FCRLB: variants seen among roughly 807,000 people sequenced by gnomAD.
FCRLB encodes Fc receptor like B.
Under a neutral mutation model 33.6 loss-of-function variants are expected in FCRLB, and 34 were observed. That is an observed-to-expected ratio of 1.01 (90% CI 0.77 to 1.35). The LOEUF is 1.35. Among genes scored for constraint, FCRLB ranks in the 40% most tolerant of loss-of-function variants. The pLI is 0.00. For synonymous variants in FCRLB, 280 were observed against 255.9 expected, an observed-to-expected ratio of 1.09 and a Z score of -0.90; for missense variants, 560 against 580.2, an observed-to-expected ratio of 0.97 and a Z score of 0.36.
exon 8 of FCRLB, chr1:161,727,311 T>C (rs1319943153): frequency 1.2e-6 from 2 of 1,613,670 alleles, no homozygotes; most frequent in Admixed American, 3.3e-5. Flanking sequence ...TGGCTCCTGG[T>C]AATAGGCCGC....
rs1683384298 is a variant in FCRLB, at chr1:161,721,835, G to A, written c.-36G>A. 6.6e-6 allele frequency: 1 copy of A among 152,230 alleles called. No individual in the cohort carries two copies. Among genetic ancestry groups the A allele is most frequent in the African/African-American group, 2.4e-5 (1 of 41,424 alleles). 9.4% of individuals were successfully genotyped at this position (152,230 alleles called of 1,614,324 possible). ...GAGGCTTCTGAGGGGCCGATGCAGT[G>A]ACTTCTCTGCTGCAGGTCAGGAGTT... On this transcript the variant is annotated 5_prime_UTR_variant, in exon 2 of 8. An upstream open reading frame in the 5' UTR loses its in-frame stop. Transcript: ENST00000367948.
Position 161,726,935 on chromosome 1 carries a change from G to A in FCRLB, c.807G>A (p.Ala269=). 1 of 1,559,312 alleles carries A rather than the reference G, an allele frequency of 6.4e-7. No homozygotes were observed. The highest frequency in any genetic ancestry group is 2.3e-5 in the East Asian group (1 of 43,452). Reference sequence around the variant, plus strand: ...AGCTCGAATCGTACTGGTGCGAGGCGGCTACCGCCACCCGCAGTGTCCGGA... The same window carrying A: ...AGCTCGAATCGTACTGGTGCGAGGCAGCTACCGCCACCCGCAGTGTCCGGA... The change falls in exon 7 of 8, where the codon GCG becomes GCA. Residue 269 remains alanine, a synonymous_variant. Transcript: ENST00000367948. The surrounding 1 kb of genome is among the most constrained non-coding windows in gnomAD (Gnocchi z 5.2).
At chr1:161,722,703 G>T in exon 3 of FCRLB, 1 of 1,614,108 alleles carries the variant, frequency 6.2e-7, no homozygotes, top group South Asian at 1.1e-5. Flanking sequence ...TCTGCTCCTG[G>T]GTGAGTCCAC....
In FCRLB at chr1:161,726,722, G is replaced by T. The variant is rs1403911746; in HGVS notation, c.594G>T (p.Val198=). The change falls in exon 7 of 8, where the codon GTG becomes GTT. Residue 198 remains valine (V), a synonymous_variant. Coordinates refer to ENST00000367948, the Ensembl canonical transcript of FCRLB. This position sits in a 1 kb window ranked among gnomAD's most constrained non-coding sequence, Gnocchi z 5.2. ...CCGTAGAGCTGTTCCGGGCGCCGGT[G>T]CTGAGGGTGATGGGTCCGCGGGAGG... 6.3e-7 allele frequency: 1 copy of T among 1,596,122 alleles called. No individual in the cohort carries two copies. The highest frequency in any genetic ancestry group is 1.7e-5 in the Admixed American group (1 of 59,054).
chr1:161,726,870 T>G lies in FCRLB; in HGVS notation c.742T>G (p.Trp248Gly). The G allele has an allele frequency of 6.3e-7, 1 of 1,581,520 alleles. No homozygotes were observed. Among genetic ancestry groups the G allele is most frequent in the African/African-American group, 1.4e-5 (1 of 74,038 alleles). ...CAGCCGCGCGGTGCGCCGCTTCGAC[T>G]GGGGCGCCGAGTACACAGTCCCGGA... The change falls in exon 7 of 8, where the codon TGG (tryptophan) becomes GGG (glycine). Residue 248 changes from tryptophan (W) to glycine (G), a missense_variant. By Grantham distance (184) the Trp-to-Gly change is radical. Coordinates refer to ENST00000367948, the Ensembl canonical transcript of FCRLB. The surrounding 1 kb of genome is among the most constrained non-coding windows in gnomAD (Gnocchi z 5.2).
In FCRLB at chr1:161,723,349, C is replaced by T. The variant is rs1683435910; in HGVS notation, c.53-18C>T. Reference sequence around the variant, plus strand: ...TCTCTTTGCATGCTGCCCCCTCTCACCCCACTCCCCACCCCAGCTACTCTG... The same window carrying T: ...TCTCTTTGCATGCTGCCCCCTCTCATCCCACTCCCCACCCCAGCTACTCTG... On this transcript the variant is annotated intron_variant, in intron 4 of 7. Coordinates refer to ENST00000367948, the Ensembl canonical transcript of FCRLB. 2.5e-6 allele frequency: 4 copies of T among 1,611,772 alleles called. No individual in the cohort carries two copies. The highest frequency in any genetic ancestry group is 3.4e-6 in the Non-Finnish European group (4 of 1,178,558).
chr1:161,724,330 C>T (rs1030815170), intron 5 of FCRLB, among the ~76,000 whole-genome samples: 15 of 151,328 alleles, frequency 9.9e-5, no homozygotes, highest in African/African-American at 3.4e-4. Flanking sequence ...TGGCTCAAGC[C>T]TGTGATCCCA....
Position 161,726,753 on chromosome 1 carries a change from G to A in FCRLB, c.625G>A (p.Gly209Ser), listed in dbSNP as rs1337718422. The change falls in exon 7 of 8, where the codon GGC (glycine) becomes AGC (serine). Residue 209 changes from glycine (G) to serine (S), a missense_variant. Gly to Ser is a moderately conservative substitution (Grantham distance 56, BLOSUM62 0). Transcript: ENST00000367948. This position sits in a 1 kb window ranked among gnomAD's most constrained non-coding sequence, Gnocchi z 5.2. ...GGTGATGGGTCCGCGGGAGGCCCGC[G>A]GCGCGGCGCTGGGTGGGGTGGTGCT... is the stretch of plus-strand genomic sequence containing the variant. 2 of 1,589,988 alleles carry A rather than the reference G, an allele frequency of 1.3e-6. No homozygotes were observed. Among genetic ancestry groups the A allele is most frequent in the South Asian group, 2.3e-5 (2 of 88,402 alleles).
intron 4 of FCRLB, 145 bp downstream of exon 4, chr1:161,723,154 C>A: frequency 8.3e-7 from 1 of 1,204,360 alleles, no homozygotes; most frequent in Non-Finnish European, 1.2e-6. Context: ...ACTAAATTTG[C>A]TTGAAGGCAT....
In FCRLB at chr1:161,726,741, C is replaced by T. The variant is rs202042884; in HGVS notation, c.613C>T (p.Arg205Trp). Reference sequence around the variant, plus strand: ...GCCGGTGCTGAGGGTGATGGGTCCGCGGGAGGCCCGCGGCGCGGCGCTGGG... The same window carrying T: ...GCCGGTGCTGAGGGTGATGGGTCCGTGGGAGGCCCGCGGCGCGGCGCTGGG... Residue 205 changes from arginine to tryptophan, a missense_variant, in exon 7 of 8, where the codon CGG becomes TGG. Arg to Trp is a moderately radical substitution (Grantham distance 101, BLOSUM62 -3). Transcript: ENST00000367948. This position sits in a 1 kb window ranked among gnomAD's most constrained non-coding sequence, Gnocchi z 5.2. 1 of 1,594,022 alleles carries T rather than the reference C, an allele frequency of 6.3e-7. No individual in the cohort carries two copies. The highest frequency in any genetic ancestry group is 1.7e-5 in the Admixed American group (1 of 58,088).
rs11585450 is a variant in FCRLB, at chr1:161,726,992, G to C, written c.864G>C (p.Pro288=). 720,688 of 1,508,970 alleles carry C rather than the reference G, an allele frequency of 0.48. 179,725 individuals carry two copies. The highest frequency in any genetic ancestry group is 0.52 in the Middle Eastern group (2,276 of 4,384). The allele number at this position is 1,508,970 out of a possible 1,614,324, so 93.5% of individuals were successfully genotyped here. A position where few individuals can be genotyped will look rare whatever the true frequency, so the allele number is the denominator to read the frequency against. Residue 288 remains proline (P), a splice_region_variant and synonymous_variant, in exon 7 of 8, where the codon CCG becomes CCC. Coordinates refer to ENST00000367948, the Ensembl canonical transcript of FCRLB. The surrounding 1 kb of genome is among the most constrained non-coding windows in gnomAD (Gnocchi z 5.2). ...GTCCGTGGCTGCAGCTCCCGGGGCC[G>C]GGTGAGTGCCTGCACACCCTCCCGG...
intron 7 of FCRLB, 69 bp from the exon 8 acceptor site, chr1:161,727,178 C>A: frequency 1.3e-6 from 2 of 1,493,268 alleles, no homozygotes; most frequent in South Asian, 2.6e-5. Context: ...CCGCCCTACG[C>A]CCCTCCCCCA....
exon 8 of FCRLB, chr1:161,727,359 G>T (rs16858529): frequency 0.037 from 59,483 of 1,613,614 alleles, 3,591 homozygotes; most frequent in East Asian, 0.33. Context: ...GATCGGTCCC[G>T]TTGGTCACCT....
At position 161,726,359 on chromosome 1, in the gene FCRLB, G is replaced by A; in HGVS notation, c.574+272G>A. 1 of 734,782 alleles carries A rather than the reference G, an allele frequency of 1.4e-6. No homozygotes were observed. The highest frequency in any genetic ancestry group is 2.3e-4 in the Middle Eastern group (1 of 4,412). The allele number at this position is 734,782 out of a possible 1,614,324, so 45.5% of individuals were successfully genotyped here. Reference sequence around the variant, plus strand: ...GAGGGCAGCTCTGGCAGGGGCAGGGGCCACTGTGGGACTGGGACGAAGGAG... The same window carrying A: ...GAGGGCAGCTCTGGCAGGGGCAGGGACCACTGTGGGACTGGGACGAAGGAG... On this transcript the variant is annotated intron_variant, in intron 6 of 7. Transcript: ENST00000367948. This position sits in a 1 kb window ranked among gnomAD's most constrained non-coding sequence, Gnocchi z 5.2.
rs1265644557 is a variant in FCRLB at position 161,726,631 on chromosome 1, C to A, written c.575-72C>A. 9.1e-6 allele frequency: 14 copies of A among 1,538,902 alleles called. No individual in the cohort carries two copies. The highest frequency in any genetic ancestry group is 1.7e-4 in the Middle Eastern group (1 of 5,980). ...TCTGTGGGTCTGCAAGGAGCCCTCG[C>A]GGGAAGCAGGAAGGAGCGGGGTCGC... On this transcript the variant is annotated intron_variant, in intron 6 of 7. Coordinates refer to ENST00000367948, the Ensembl canonical transcript of FCRLB. The surrounding 1 kb of genome is among the most constrained non-coding windows in gnomAD (Gnocchi z 5.2).
Position 161,726,601 on chromosome 1 carries a change from C to T in FCRLB, c.575-102C>T. 1 of 1,485,282 alleles carries T rather than the reference C, an allele frequency of 6.7e-7. No individual in the cohort carries two copies. Among genetic ancestry groups the T allele is most frequent in the Non-Finnish European group, 9.1e-7 (1 of 1,101,220 alleles). The allele number at this position is 1,485,282 out of a possible 1,614,324, so 92.0% of individuals were successfully genotyped here. A position where few individuals can be genotyped will look rare whatever the true frequency, so the allele number is the denominator to read the frequency against. On this transcript the variant is annotated intron_variant, in intron 6 of 7. Transcript: ENST00000367948. The surrounding 1 kb of genome is among the most constrained non-coding windows in gnomAD (Gnocchi z 5.2). Reference sequence around the variant, plus strand: ...GACACACGGCCTCCTCCCCTCCCCCCTTGGTCTGTGGGTCTGCAAGGAGCC... The same window carrying T: ...GACACACGGCCTCCTCCCCTCCCCCTTTGGTCTGTGGGTCTGCAAGGAGCC...
At position 161,727,287 on chromosome 1, in the gene FCRLB, A is replaced by T. The variant is rs139404539; in HGVS notation, c.906A>T (p.Pro302=). ...CGGCCTCCACCACCGCCCCAGCTCC[A>T]TGGGCCGCAGCCTTGGCTCCTGGTA... is the stretch of plus-strand genomic sequence containing the variant. Residue 302 remains proline (P), a synonymous_variant, in exon 8 of 8, where the codon CCA becomes CCT. Transcript: ENST00000367948. The T allele has an allele frequency of 4.6e-3, 7,340 of 1,612,342 alleles. 29 individuals are homozygous for T. Among genetic ancestry groups the T allele is most frequent in the Non-Finnish European group, 5.8e-3 (6,797 of 1,179,244 alleles).
chr1:161,722,744 G>A, intron 3 of FCRLB, 41 bp downstream of exon 3: 1 of 1,612,408 alleles, frequency 6.2e-7, no homozygotes, highest in Non-Finnish European at 8.5e-7. Context: ...TTGGGTGGTG[G>A]AGAATAGGGT....
chr1:161,726,629 C>G lies in FCRLB; in HGVS notation c.575-74C>G. 1 of 1,537,826 alleles carries G rather than the reference C, an allele frequency of 6.5e-7. No individual in the cohort carries two copies. The highest frequency in any genetic ancestry group is 1.2e-5 in the South Asian group (1 of 83,842). ...GGTCTGTGGGTCTGCAAGGAGCCCT[C>G]GCGGGAAGCAGGAAGGAGCGGGGTC... On this transcript the variant is annotated intron_variant, in intron 6 of 7. Coordinates refer to ENST00000367948, the Ensembl canonical transcript of FCRLB. This position sits in a 1 kb window ranked among gnomAD's most constrained non-coding sequence, Gnocchi z 5.2.
Sources: gnomAD v4.1 joint callset for allele counts (sites outside exome capture counted in the v4.1 genomes callset) on GRCh38, gnomAD v4.1.1 for gene constraint, Gnocchi (gnomAD v3.1) non-coding constraint, MANE v1.5 for transcripts, NCBI Gene and HGNC (gene_info 2026-07-23, HGNC 2026-07-21) for gene names.